Variants in KANK1 observed in about 807,000 individuals in gnomAD.
The protein encoded by KANK1 is KN motif and ankyrin repeat domain-containing protein 1.
A neutral mutation model predicts 106.2 loss-of-function variants in KANK1; 109 were observed. The observed-to-expected ratio is 1.03, with a 90% confidence interval of 0.88 to 1.20. KANK1 has a LOEUF of 1.20. Ranked by LOEUF, KANK1 falls within the 50% of genes most tolerant of loss-of-function variation. The pLI is 0.00. For synonymous variants in KANK1, 873 were observed against 652.2 expected (o/e 1.34, Z -5.16); for missense variants, 2,399 against 1,710.7 (o/e 1.40, Z -7.10).
In KANK1 at chr9:569,522, C is replaced by T. The variant is rs1237789394; in HGVS notation, c.-84+64768C>T. 3.3e-5 allele frequency among the ~76,000 whole-genome samples: 5 copies of T among 152,272 alleles called. 1 individual carries two copies. The highest frequency in any genetic ancestry group is 1.2e-4 in the African/African-American group (5 of 41,564). ...CCTCCAGACTCTGTCAAGTCCCCAC[C>T]AGCAAGAAGGCCCTCACCAGATGCA... On this transcript the variant is annotated intron_variant, in intron 1 of 11. Coordinates refer to ENST00000382297, the MANE Select transcript of KANK1 (RefSeq NM_015158.5).
At chr9:727,607 C>T (rs1157020669) in intron 3 of KANK1, among the ~76,000 whole-genome samples, 5 of 151,966 alleles carry the variant, frequency 3.3e-5, no homozygotes, top group Non-Finnish European at 5.9e-5. Context: ...TGAGCCACCA[C>T]GCCCAGGCTA....
chr9:647,688 A>T (rs78252823), intron 1 of KANK1, among the ~76,000 whole-genome samples: 2,095 of 150,880 alleles, frequency 0.014, 206 homozygotes, highest in African/African-American at 0.049. Context: ...TCTCACCACA[A>T]TCTCATCAGA....
intron 1 of KANK1, among the ~76,000 whole-genome samples, chr9:625,620 A>G (rs1035588748): frequency 7.2e-5 from 11 of 152,176 alleles, no homozygotes. Context: ...CTCTTTAAAA[A>G]TTAGTGTTTT....
At chr9:719,743 A>ATT (rs992509466) in intron 3 of KANK1, among the ~76,000 whole-genome samples, 3 of 149,946 alleles carry the variant, frequency 2.0e-5, no homozygotes, top group South Asian at 4.2e-4. Flanking sequence ...GTTTTGGGTG[A>ATT]TTTTTTTTTT....
At chr9:625,570 T>C (rs138705582) in intron 1 of KANK1, among the ~76,000 whole-genome samples, 4 of 151,798 alleles carry the variant, frequency 2.6e-5, no homozygotes, top group Admixed American at 2.6e-4. Flanking sequence ...AACCTTCTTG[T>C]GCGAGGAGTA....
intron 1 of KANK1, among the ~76,000 whole-genome samples, chr9:573,436 A>AT (rs373142446): frequency 1.4e-3 from 210 of 151,896 alleles, no homozygotes; most frequent in African/African-American, 4.6e-3. Flanking sequence ...CGCGTGGCTA[A>AT]TTTTTTTGTA....
intron 1 of KANK1, among the ~76,000 whole-genome samples, chr9:573,134 G>C (rs1353639377): frequency 6.6e-6 from 1 of 152,138 alleles, no homozygotes; most frequent in African/African-American, 2.4e-5. Context: ...TGCTGCGTGA[G>C]TTGATGTCAT....
intron 1 of KANK1, among the ~76,000 whole-genome samples, chr9:670,205 C>G (rs1845565235): frequency 1.3e-5 from 2 of 152,094 alleles, no homozygotes; most frequent in African/African-American, 4.8e-5. Flanking sequence ...TCATGAATCA[C>G]CATCTCATTA....
intron 1 of KANK1, among the ~76,000 whole-genome samples, chr9:602,003 A>G (rs1241662384): frequency 6.6e-6 from 1 of 151,584 alleles, no homozygotes; most frequent in South Asian, 2.1e-4. Context: ...CAGGTCTGAA[A>G]CTCGTTTTTA....
At chr9:541,285 G>T (rs547969989) in intron 1 of KANK1, among the ~76,000 whole-genome samples, 1 of 152,108 alleles carries the variant, frequency 6.6e-6, no homozygotes, top group African/African-American at 2.4e-5. Context: ...ATTTACAGTC[G>T]GTTGGCTCTT....
chr9:603,958 CAAAA>C (rs71314719), intron 1 of KANK1, among the ~76,000 whole-genome samples: 1 of 94,524 alleles, frequency 1.1e-5, no homozygotes, highest in Non-Finnish European at 2.0e-5. Flanking sequence ...GACTCTGTCT[CAAAA>C]AAAAAAAAAA....
chr9:644,521 G>C (rs1399273705), intron 1 of KANK1, among the ~76,000 whole-genome samples: 2 of 150,850 alleles, frequency 1.3e-5, no homozygotes, highest in Non-Finnish European at 2.9e-5. Context: ...AAGCAGGCAC[G>C]TTTTACGTGG....
At chr9:632,993 C>A (rs1315791975) in intron 1 of KANK1, among the ~76,000 whole-genome samples, 1 of 152,092 alleles carries the variant, frequency 6.6e-6, no homozygotes, top group Non-Finnish European at 1.5e-5. Flanking sequence ...TGCTCCCAGC[C>A]TGAGAGTGAG....
chr9:724,965 G>A (rs563619611), intron 3 of KANK1, among the ~76,000 whole-genome samples: 1 of 152,302 alleles, frequency 6.6e-6, no homozygotes, highest in East Asian at 1.9e-4. Flanking sequence ...GGCACATTAG[G>A]CATTTCATAT....
intron 1 of KANK1, among the ~76,000 whole-genome samples, chr9:507,928 C>G (rs1423043010): frequency 1.3e-5 from 2 of 151,868 alleles, no homozygotes; most frequent in East Asian, 3.9e-4. Context: ...TTGTGATCCG[C>G]CCACCTCAGC....
At chr9:561,321 T>C (rs1816378737) in intron 1 of KANK1, among the ~76,000 whole-genome samples, 1 of 152,238 alleles carries the variant, frequency 6.6e-6, no homozygotes, top group South Asian at 2.1e-4. Context: ...TTTCACTTGA[T>C]AGAGCATGTA....
intron 3 of KANK1, among the ~76,000 whole-genome samples, chr9:728,683 C>A (rs1036600091): frequency 6.6e-6 from 1 of 152,190 alleles, no homozygotes. Flanking sequence ...GTGACGTTTA[C>A]CATCTATGTA....
chr9:511,449 G>A (rs2059023310), intron 1 of KANK1, among the ~76,000 whole-genome samples: 1 of 152,216 alleles, frequency 6.6e-6, no homozygotes, highest in South Asian at 2.1e-4. Flanking sequence ...GTGACCTTTG[G>A]CACAGTTACT....
At chr9:617,273 C>T (rs1235345207) in intron 1 of KANK1, among the ~76,000 whole-genome samples, 1 of 152,060 alleles carries the variant, frequency 6.6e-6, no homozygotes, top group Admixed American at 6.5e-5. Flanking sequence ...TCACTCGTTG[C>T]CTTCCTTGTT....
Sources: gnomAD v4.1 joint callset for allele counts (sites outside exome capture counted in the v4.1 genomes callset) on GRCh38, gnomAD v4.1.1 for gene constraint, MANE v1.5 for transcripts, NCBI Gene and HGNC (gene_info 2026-07-23, HGNC 2026-07-21) for gene names.